GRIP1: variants seen among roughly 807,000 people sequenced by gnomAD.
GRIP1 encodes glutamate receptor interacting protein 1.
Under a neutral mutation model 129.9 loss-of-function variants are expected in GRIP1, and 45 were observed. That is an observed-to-expected ratio of 0.35 (90% CI 0.27 to 0.44). The LOEUF is 0.44. GRIP1 is among the 20% of genes least tolerant of loss of function. The pLI is 1.00. For missense variants in GRIP1, 1,196 were observed against 1,396.8 expected, an observed-to-expected ratio of 0.86 and a Z score of 2.29; for synonymous variants, 530 against 520.8, an observed-to-expected ratio of 1.02 and a Z score of -0.24.
intron 1 of GRIP1, among the ~76,000 whole-genome samples, chr12:66,968,754 A>T (rs1462499044): frequency 2.0e-5 from 3 of 150,760 alleles, no homozygotes; most frequent in Non-Finnish European, 4.4e-5. Flanking sequence ...GTTTTCTTTT[A>T]GCTCAATTAA....
At chr12:66,939,790 A>T (rs1175652538) in intron 1 of GRIP1, among the ~76,000 whole-genome samples, 2 of 152,186 alleles carry the variant, frequency 1.3e-5, no homozygotes, top group African/African-American at 4.8e-5. Context: ...ACCTCTCATT[A>T]AAACTGTAAC....
At chr12:66,611,130 G>T (rs949301689) in intron 1 of GRIP1, among the ~76,000 whole-genome samples, 1 of 152,068 alleles carries the variant, frequency 6.6e-6, no homozygotes. Context: ...GGGATGTATT[G>T]CTCAAAATAA....
chr12:67,030,058 A>T (rs1284201568), intron 1 of GRIP1, among the ~76,000 whole-genome samples: 1 of 150,678 alleles, frequency 6.6e-6, no homozygotes, highest in Non-Finnish European at 1.5e-5. Flanking sequence ...AAAAAAAAAA[A>T]AAATTAGCCA....
At chr12:66,638,797 C>A (rs1188045110) in intron 1 of GRIP1, among the ~76,000 whole-genome samples, 1 of 152,004 alleles carries the variant, frequency 6.6e-6, no homozygotes, top group Non-Finnish European at 1.5e-5. Flanking sequence ...CATAGCTTTA[C>A]TTGTAACACA....
chr12:66,829,934 C>G (rs555609959), intron 1 of GRIP1, among the ~76,000 whole-genome samples: 56 of 152,208 alleles, frequency 3.7e-4, no homozygotes, highest in African/African-American at 1.3e-3. Context: ...TCAGAGAGGG[C>G]AAGTTACTTG....
At chr12:66,409,986 C>T (rs1396886208) in intron 15 of GRIP1, among the ~76,000 whole-genome samples, 6 of 152,160 alleles carry the variant, frequency 3.9e-5, no homozygotes, top group Non-Finnish European at 5.9e-5. Context: ...CGCGGTGGCT[C>T]ACGCCTGTAA....
chr12:66,684,705 C>T (rs1436118232), intron 1 of GRIP1, among the ~76,000 whole-genome samples: 1 of 152,034 alleles, frequency 6.6e-6, no homozygotes, highest in Non-Finnish European at 1.5e-5. Flanking sequence ...ATTAGCCAGG[C>T]GTGGTGGTGC....
chr12:66,719,709 T>C (rs2036001084), intron 1 of GRIP1, among the ~76,000 whole-genome samples: 1 of 152,238 alleles, frequency 6.6e-6, no homozygotes, highest in African/African-American at 2.4e-5. Context: ...CATGAGGCCT[T>C]GGTCTCTAAG....
intron 1 of GRIP1, chr12:66,891,950 T>G (rs1424779663): frequency 6.6e-6 from 1 of 152,268 alleles, no homozygotes; most frequent in East Asian, 1.9e-4. Context: ...ACAGCAATCT[T>G]CTTCCTAATG....
chr12:66,656,217 C>T (rs536190985), intron 1 of GRIP1, among the ~76,000 whole-genome samples: 26 of 152,244 alleles, frequency 1.7e-4, no homozygotes, highest in African/African-American at 5.8e-4. Flanking sequence ...TTTTCTCTCT[C>T]TGTAGAATAT....
chr12:66,552,006 G>A (rs1456354308), intron 2 of GRIP1, among the ~76,000 whole-genome samples: 2 of 152,188 alleles, frequency 1.3e-5, no homozygotes, highest in Non-Finnish European at 2.9e-5. Flanking sequence ...GAGCAGCTGG[G>A]TGGATAAAAA....
At chr12:66,823,351 A>G (rs1009736454) in intron 1 of GRIP1, among the ~76,000 whole-genome samples, 2 of 152,068 alleles carry the variant, frequency 1.3e-5, no homozygotes, top group Non-Finnish European at 2.9e-5. Context: ...CTGCCTTTGT[A>G]TTTGTTTTGG....
At chr12:66,444,381 G>C (rs1325184393) in intron 13 of GRIP1, among the ~76,000 whole-genome samples, 1 of 151,176 alleles carries the variant, frequency 6.6e-6, no homozygotes, top group Non-Finnish European at 1.5e-5. Context: ...AGCTACTCGG[G>C]AGGCTGAGGC....
At chr12:66,567,744 C>T (rs2062817905) in intron 2 of GRIP1, 1 of 219,162 alleles carries the variant, frequency 4.6e-6, no homozygotes, top group African/African-American at 2.3e-5. Flanking sequence ...GGCTTCTCAT[C>T]CTTTGGAGAA....
At chr12:66,704,425 G>C (rs2035459544) in intron 1 of GRIP1, among the ~76,000 whole-genome samples, 1 of 152,000 alleles carries the variant, frequency 6.6e-6, no homozygotes. Flanking sequence ...ATGTGGATCA[G>C]TAAAAAGATC....
At chr12:66,841,969 C>T (rs1331098799) in intron 1 of GRIP1, among the ~76,000 whole-genome samples, 2 of 152,226 alleles carry the variant, frequency 1.3e-5, no homozygotes, top group South Asian at 4.2e-4. Context: ...ATAACCCTGG[C>T]TATTTTCACT....
intron 1 of GRIP1, among the ~76,000 whole-genome samples, chr12:67,018,276 T>C (rs79398214): frequency 1.2e-3 from 183 of 152,168 alleles, no homozygotes; most frequent in African/African-American, 4.3e-3. Flanking sequence ...CCTCCAGCCT[T>C]TCTTGTGAGC....
chr12:66,971,750 G>A (rs1036673274), intron 1 of GRIP1, among the ~76,000 whole-genome samples: 3 of 152,216 alleles, frequency 2.0e-5, no homozygotes, highest in Non-Finnish European at 4.4e-5. Flanking sequence ...GTTTAGCAAA[G>A]AGAAGAGATG....
At position 66,569,954 on chromosome 12, in the gene GRIP1, A is replaced by G. The variant is rs536444441; in HGVS notation, c.136+26893T>C. On this transcript the variant is annotated intron_variant, in intron 2 of 24. Transcript: ENST00000359742. ...AACTTCAAGAAGTTACATTTATCCA[A>G]TGATATCACCAGGAACTGCAACCAA... Among the ~76,000 whole-genome samples the G allele has an allele frequency of 7.9e-5, 12 of 152,268 alleles. No individual in the cohort carries two copies. The South Asian group carries it at 1.0e-3, about 13-fold the overall frequency.
Sources: gnomAD v4.1 joint callset for allele counts (sites outside exome capture counted in the v4.1 genomes callset) on GRCh38, gnomAD v4.1.1 for gene constraint, MANE v1.5 for transcripts, NCBI Gene and HGNC (gene_info 2026-07-23, HGNC 2026-07-21) for gene names.